OSBPL8: variants seen among roughly 807,000 people sequenced by gnomAD.
OSBPL8 encodes oxysterol binding protein like 8.
A neutral mutation model predicts 125.5 loss-of-function variants in OSBPL8; 59 were observed. That is an observed-to-expected ratio of 0.47 (90% CI 0.38 to 0.58). The LOEUF is 0.58. OSBPL8 is among the 20% of genes least tolerant of loss of function. OSBPL8 has a pLI of 0.00. For missense variants in OSBPL8, 758 were observed against 1,047.8 expected (o/e 0.72, Z 3.82); for synonymous variants, 330 against 338.9 (o/e 0.97, Z 0.29).
At chr12:76,410,091 C>A (rs1954448020) in intron 5 of OSBPL8, among the ~76,000 whole-genome samples, 1 of 152,112 alleles carries the variant, frequency 6.6e-6, no homozygotes, top group South Asian at 2.1e-4. Flanking sequence ...GTCTAAGTAT[C>A]CCAGTTTCAG....
At chr12:76,450,265 T>A (rs750181919) in intron 4 of OSBPL8, among the ~76,000 whole-genome samples, 2 of 152,118 alleles carry the variant, frequency 1.3e-5, no homozygotes, top group Non-Finnish European at 2.9e-5. Context: ...AGGACAGCCC[T>A]CCACAACAAA....
intron 2 of OSBPL8, among the ~76,000 whole-genome samples, chr12:76,484,820 T>C (rs1039730594): frequency 7.2e-5 from 11 of 152,202 alleles, no homozygotes; most frequent in Admixed American, 2.0e-4. Context: ...TTTCAGTAGT[T>C]TACACTGAAA....
intron 1 of OSBPL8, among the ~76,000 whole-genome samples, chr12:76,552,868 T>C (rs1950984163): frequency 6.6e-6 from 1 of 152,186 alleles, no homozygotes; most frequent in Non-Finnish European, 1.5e-5. Flanking sequence ...GCACTTCCAT[T>C]ACTACCAATG....
intron 4 of OSBPL8, among the ~76,000 whole-genome samples, chr12:76,441,090 C>T (rs1348010087): frequency 2.0e-5 from 3 of 152,044 alleles, no homozygotes; most frequent in African/African-American, 7.2e-5. Context: ...TACTTCTTTC[C>T]CCTATATTTC....
intron 22 of OSBPL8, 116 bp from the exon 23 acceptor site, chr12:76,356,844 C>T: frequency 1.6e-6 from 1 of 627,440 alleles, no homozygotes; most frequent in Non-Finnish European, 2.7e-6. Flanking sequence ...TAGAGATTAG[C>T]ATAGTAATAT....
chr12:76,401,917 T>A (rs1214371147), intron 6 of OSBPL8, among the ~76,000 whole-genome samples: 1 of 152,168 alleles, frequency 6.6e-6, no homozygotes, highest in Admixed American at 6.5e-5. Flanking sequence ...TTGTTATAAT[T>A]TGGATGGGAA....
chr12:76,357,174 A>G (rs1465432890), intron 22 of OSBPL8, among the ~76,000 whole-genome samples: 3 of 152,126 alleles, frequency 2.0e-5, no homozygotes, highest in Non-Finnish European at 4.4e-5. Flanking sequence ...AGCAAGCTGT[A>G]CATGTTTTTC....
In OSBPL8 at chr12:76,386,270, GT is replaced by G; in HGVS notation, c.1435-5del. ...GATTATAAGGTTTCTTCAGTCCCTG[GT>G]AAAAAAAAAAAAAAGCAATTTCAAA... On this transcript the variant is annotated splice_region_variant and splice_polypyrimidine_tract_variant and intron_variant, in intron 13 of 23. Coordinates refer to ENST00000261183, the MANE Select transcript of OSBPL8 (RefSeq NM_020841.5). 1 of 1,443,214 alleles carries G rather than the reference GT, an allele frequency of 6.9e-7. No homozygotes were observed. The highest frequency in any genetic ancestry group is 9.1e-7 in the Non-Finnish European group (1 of 1,097,592). The allele number at this position is 1,443,214 out of a possible 1,614,324, so 89.4% of individuals were successfully genotyped here. A position where few individuals can be genotyped will look rare whatever the true frequency, so the allele number is the denominator to read the frequency against.
At chr12:76,383,434 G>C (rs1953148664) in intron 15 of OSBPL8, among the ~76,000 whole-genome samples, 1 of 149,356 alleles carries the variant, frequency 6.7e-6, no homozygotes, top group African/African-American at 2.4e-5. Flanking sequence ...CGAACATCAA[G>C]GGAAATAAAA....
At chr12:76,380,808 T>A (rs1041072582) in intron 15 of OSBPL8, among the ~76,000 whole-genome samples, 2 of 152,162 alleles carry the variant, frequency 1.3e-5, no homozygotes, top group African/African-American at 4.8e-5. Context: ...AGAGTAAACA[T>A]CCTTGCCTTG....
chr12:76,553,755 C>T (rs1032926947), intron 1 of OSBPL8, among the ~76,000 whole-genome samples: 1 of 151,226 alleles, frequency 6.6e-6, no homozygotes, highest in African/African-American at 2.4e-5. Flanking sequence ...GCAGGTGGAT[C>T]ACTTTACGTC....
intron 2 of OSBPL8, among the ~76,000 whole-genome samples, chr12:76,470,918 C>T (rs574507776): frequency 2.6e-5 from 4 of 152,102 alleles, no homozygotes; most frequent in Non-Finnish European, 2.9e-5. Context: ...AAACAGATCA[C>T]GTATCACATA....
chr12:76,455,543 G>A (rs183446960), intron 3 of OSBPL8, among the ~76,000 whole-genome samples: 9 of 152,168 alleles, frequency 5.9e-5, no homozygotes, highest in Admixed American at 5.9e-4. Context: ...ATCCATTTTC[G>A]ATGGAAGTAT....
chr12:76,410,767 G>C, intron 4 of OSBPL8, 133 bp from the exon 5 acceptor site: 1 of 607,424 alleles, frequency 1.6e-6, no homozygotes, highest in Non-Finnish European at 2.9e-6. Flanking sequence ...AACTATTAAA[G>C]ATCTCTAGAG....
At chr12:76,439,558 T>C (rs1249742066) in intron 4 of OSBPL8, among the ~76,000 whole-genome samples, 1 of 151,728 alleles carries the variant, frequency 6.6e-6, no homozygotes, top group Non-Finnish European at 1.5e-5. Context: ...ATCAATGAAA[T>C]GCAGTACTAA....
In OSBPL8 at chr12:76,371,437, A is replaced by G. The variant is rs1184804136; in HGVS notation, c.2054+11T>C. 28 of 1,594,446 alleles carry G rather than the reference A, an allele frequency of 1.8e-5. No individual in the cohort carries two copies. The highest frequency in any genetic ancestry group is 2.2e-5 in the East Asian group (1 of 44,562). On this transcript the variant is annotated intron_variant, in intron 19 of 23. Coordinates refer to ENST00000261183, the MANE Select transcript of OSBPL8 (RefSeq NM_020841.5). ...ATCCTCATGAAGTTAGCTGTAAAACAGTATACTTACTTCTCTGATTCAAAA... is the reference window on the plus strand; with the variant it reads ...ATCCTCATGAAGTTAGCTGTAAAACGGTATACTTACTTCTCTGATTCAAAA...
chr12:76,485,745 G>C (rs1254162210), intron 2 of OSBPL8, among the ~76,000 whole-genome samples: 2 of 152,118 alleles, frequency 1.3e-5, no homozygotes, highest in East Asian at 1.9e-4. Flanking sequence ...TGAAGTCTTA[G>C]AGAAGATAAT....
At chr12:76,467,291 T>C (rs916360306) in intron 2 of OSBPL8, among the ~76,000 whole-genome samples, 2 of 152,152 alleles carry the variant, frequency 1.3e-5, no homozygotes, top group African/African-American at 4.8e-5. Context: ...TTCCTCTACC[T>C]GCTCTTTTCC....
chr12:76,475,557 G>C (rs1344190282), intron 2 of OSBPL8, among the ~76,000 whole-genome samples: 1 of 152,218 alleles, frequency 6.6e-6, no homozygotes, highest in African/African-American at 2.4e-5. Context: ...CTGTGCAACA[G>C]TTCTGTTCTT....
Sources: allele counts gnomAD v4.1 joint callset (sites outside exome capture counted in the v4.1 genomes callset), GRCh38; gene constraint gnomAD v4.1.1; transcripts MANE v1.5; gene names NCBI Gene and HGNC (gene_info 2026-07-23, HGNC 2026-07-21).